The following TOX2 variants were observed in gnomAD, a reference collection of about 807,000 sequenced individuals.
TOX2 encodes the protein TOX high mobility group box family member 2.
Under a neutral mutation model 47.4 loss-of-function variants are expected in TOX2, and 15 were observed. The observed-to-expected ratio is 0.32, with a 90% CI of 0.21 to 0.49. The LOEUF is 0.49. Among genes scored for constraint, TOX2 ranks in the 20% least tolerant of loss-of-function variants. TOX2 has a pLI of 0.99. For missense variants in TOX2, 622 were observed against 673.1 expected (o/e 0.92, Z 0.84); for synonymous variants, 290 against 296.6 (o/e 0.98, Z 0.23).
chr20:44,055,481 C>T (rs1168916511), intron 5 of TOX2, among the ~76,000 whole-genome samples: 2 of 151,980 alleles, frequency 1.3e-5, no homozygotes, highest in Non-Finnish European at 2.9e-5. Context: ...TGAAAGGAGA[C>T]CAGGATGGCC....
rs961545948 is a variant in TOX2, at chr20:43,997,898, AT to A, written c.166-8640del. Among the ~76,000 whole-genome samples, 538 of 149,802 alleles carry A rather than the reference AT, an allele frequency of 3.6e-3. 6 individuals carry two copies. Among genetic ancestry groups the A allele is most frequent in the African/African-American group, 0.012 (506 of 40,842 alleles). On this transcript the variant is annotated intron_variant, in intron 2 of 8. Coordinates refer to ENST00000341197, the MANE Select transcript of TOX2 (RefSeq NM_001098797.2). ...TATGTAGGAGGATTTCCCTCCCTCC[AT>A]TTTTTTTTCTGCTCGTTTGTTTTTG...
intron 1 of TOX2, among the ~76,000 whole-genome samples, chr20:43,948,341 A>G (rs1441504092): frequency 6.6e-6 from 1 of 152,148 alleles, no homozygotes; most frequent in Non-Finnish European, 1.5e-5. Context: ...TGGACCTTTG[A>G]TTCCCTCAGA....
At chr20:44,015,847 T>C (rs1600739619) in intron 3 of TOX2, among the ~76,000 whole-genome samples, 3 of 152,294 alleles carry the variant, frequency 2.0e-5, no homozygotes, top group Admixed American at 2.0e-4. Flanking sequence ...TAAGAATCTG[T>C]CGGCGTTCTT....
chr20:43,925,734 G>A (rs56283076), intron 1 of TOX2, among the ~76,000 whole-genome samples: 10,878 of 152,260 alleles, frequency 0.071, 916 homozygotes, highest in African/African-American at 0.2. Context: ...GTTTCTAGCA[G>A]TCTCATAACG....
At chr20:44,002,638 C>A (rs2070604078) in intron 2 of TOX2, among the ~76,000 whole-genome samples, 1 of 152,146 alleles carries the variant, frequency 6.6e-6, no homozygotes, top group African/African-American at 2.4e-5. Context: ...GTTTAATTGG[C>A]TCATGGTTCT....
intron 4 of TOX2, among the ~76,000 whole-genome samples, chr20:44,053,719 G>A (rs541685177): frequency 6.6e-4 from 100 of 151,820 alleles, no homozygotes; most frequent in Non-Finnish European, 1.2e-3. Flanking sequence ...TCATACCAAA[G>A]CCTTGGCTAA....
At chr20:43,942,255 T>G (rs1368058918) in intron 1 of TOX2, among the ~76,000 whole-genome samples, 3 of 152,124 alleles carry the variant, frequency 2.0e-5, no homozygotes, top group African/African-American at 7.2e-5. Context: ...CATCTTAACA[T>G]TAGTAAACAG....
chr20:44,062,963 ATC>A (rs2071746376), intron 5 of TOX2, among the ~76,000 whole-genome samples: 1 of 152,190 alleles, frequency 6.6e-6, no homozygotes, highest in African/African-American at 2.4e-5. Flanking sequence ...CTGGATCCTC[ATC>A]TCTCACCTTA....
Position 44,020,431 on chromosome 20 carries a change from C to T in TOX2, c.411+13639C>T, listed in dbSNP as rs547026375. On this transcript the variant is annotated intron_variant, in intron 3 of 8. Transcript: ENST00000341197. Reference sequence around the variant, plus strand: ...TGTATACCTATGTAACAAACCTGCACGTTCTGCACATATAACCCGGAACTT... The same window carrying T: ...TGTATACCTATGTAACAAACCTGCATGTTCTGCACATATAACCCGGAACTT... Among the ~76,000 whole-genome samples the T allele has an allele frequency of 7.9e-5, 12 of 152,240 alleles. No homozygotes were observed. In the South Asian group the frequency reaches 1.5e-3, roughly 18 times the overall value.
chr20:43,980,971 C>G (rs868720153), intron 2 of TOX2, among the ~76,000 whole-genome samples: 1 of 152,168 alleles, frequency 6.6e-6, no homozygotes, highest in South Asian at 2.1e-4. Context: ...ACTAATCACC[C>G]TTATACATGA....
rs929495165 is a variant in TOX2 at position 43,973,513 on chromosome 20, G to A, written c.165+81G>A. The A allele has an allele frequency of 1.7e-5, 22 of 1,261,892 alleles. No homozygotes were observed. In the South Asian group the frequency reaches 2.2e-4, roughly 13 times the overall value. The allele number at this position is 1,261,892 out of a possible 1,614,324, so 78.2% of individuals were successfully genotyped here. A position where few individuals can be genotyped will look rare whatever the true frequency, so the allele number is the denominator to read the frequency against. On this transcript the variant is annotated intron_variant, in intron 2 of 8. Coordinates refer to ENST00000341197, the MANE Select transcript of TOX2 (RefSeq NM_001098797.2). ...GAGCTGTTCCTGGGTGGAGGTAGGGGGTGCAGAATGGGGCCAGCACAGCCC... is the reference window on the plus strand; with the variant it reads ...GAGCTGTTCCTGGGTGGAGGTAGGGAGTGCAGAATGGGGCCAGCACAGCCC...
chr20:44,044,132 A>C (rs199505949), intron 3 of TOX2, among the ~76,000 whole-genome samples: 1 of 19,006 alleles, frequency 5.3e-5, no homozygotes, highest in African/African-American at 1.2e-4. Flanking sequence ...TTGTAGGGAC[A>C]TGGATGAAGC....
chr20:44,049,483 C>CT (rs1372568008), intron 3 of TOX2, among the ~76,000 whole-genome samples: 1 of 152,144 alleles, frequency 6.6e-6, no homozygotes, highest in Non-Finnish European at 1.5e-5. Flanking sequence ...CAGAACTCTT[C>CT]TTTTTGTTAG....
At chr20:44,053,584 C>CTA (rs2071564486) in intron 4 of TOX2, among the ~76,000 whole-genome samples, 1 of 124,016 alleles carries the variant, frequency 8.1e-6, no homozygotes, top group Non-Finnish European at 1.6e-5. Context: ...CATATATATA[C>CTA]TATATATACA....
chr20:44,015,542 AAT>A (rs539868610), intron 3 of TOX2, among the ~76,000 whole-genome samples: 97 of 152,336 alleles, frequency 6.4e-4, no homozygotes, highest in African/African-American at 2.2e-3. Context: ...AGCTGCTATT[AAT>A]ATTTCTTGTT....
chr20:43,994,189 G>T (rs1276675695), intron 2 of TOX2, among the ~76,000 whole-genome samples: 1 of 151,804 alleles, frequency 6.6e-6, no homozygotes, highest in Non-Finnish European at 1.5e-5. Context: ...AAACAGTTTG[G>T]CACGGTGGCT....
intron 2 of TOX2, among the ~76,000 whole-genome samples, chr20:44,003,821 G>C (rs952867071): frequency 1.3e-5 from 2 of 152,176 alleles, no homozygotes; most frequent in African/African-American, 4.8e-5. Flanking sequence ...ACTGTGGTTA[G>C]AGGGGTGGTG....
intron 2 of TOX2, among the ~76,000 whole-genome samples, chr20:43,989,753 C>G (rs1009078801): frequency 6.6e-6 from 1 of 150,668 alleles, no homozygotes; most frequent in Admixed American, 6.6e-5. Context: ...GAACTCCAGC[C>G]TGGGCAACAG....
chr20:44,054,560 A>T, intron 5 of TOX2, 34 bp downstream of exon 5: 1 of 1,597,128 alleles, frequency 6.3e-7, no homozygotes, highest in Non-Finnish European at 8.5e-7. Context: ...CCATCCCCTG[A>T]GGCTTTGTGG....
Sources: allele counts gnomAD v4.1 joint callset (sites outside exome capture counted in the v4.1 genomes callset), GRCh38; gene constraint gnomAD v4.1.1; transcripts MANE v1.5; gene names NCBI Gene and HGNC (gene_info 2026-07-23, HGNC 2026-07-21).